PRTFDC1: variants seen among roughly 807,000 people sequenced by gnomAD.
PRTFDC1 encodes phosphoribosyl transferase domain containing 1.
PRTFDC1 carries 38 observed loss-of-function variants against 34.6 expected under a neutral mutation model. That is an observed-to-expected ratio of 1.10 (90% confidence interval 0.85 to 1.44). PRTFDC1 has a LOEUF of 1.44. Ranked by LOEUF, PRTFDC1 falls within the 40% of genes most tolerant of loss-of-function variation. The pLI is 0.00. For synonymous variants in PRTFDC1, 93 were observed against 98.1 expected (o/e 0.95, Z 0.31); for missense variants, 270 against 283.0 (o/e 0.95, Z 0.33).
intron 7 of PRTFDC1, among the ~76,000 whole-genome samples, chr10:24,853,366 C>G (rs1847522165): frequency 6.6e-6 from 1 of 151,852 alleles, no homozygotes; most frequent in South Asian, 2.1e-4. Context: ...AATCCCAGCA[C>G]TTTGAGAGGC....
chr10:24,948,437 C>G (rs967777034), intron 1 of PRTFDC1, among the ~76,000 whole-genome samples: 1 of 152,182 alleles, frequency 6.6e-6, no homozygotes, highest in East Asian at 1.9e-4. Context: ...CAAGCCAACT[C>G]TGAGCAAAAT....
chr10:24,940,044 A>C (rs1849129050), intron 2 of PRTFDC1, among the ~76,000 whole-genome samples: 2 of 152,108 alleles, frequency 1.3e-5, no homozygotes, highest in Admixed American at 1.3e-4. Flanking sequence ...TATGCTCCTA[A>C]AAACAAAGTG....
chr10:24,942,456 G>C lies in PRTFDC1; in HGVS notation c.49-20C>G. ...CATAATCTGCAAATCAAATTATTTT[G>C]GTTATGGTATTTTTTCATCAGAAAT... On this transcript the variant is annotated intron_variant, in intron 1 of 8. Coordinates refer to ENST00000320152, the MANE Select transcript of PRTFDC1 (RefSeq NM_020200.7). 1 of 1,581,558 alleles carries C rather than the reference G, an allele frequency of 6.3e-7. No individual in the cohort carries two copies. Among genetic ancestry groups the C allele is most frequent in the East Asian group, 2.2e-5 (1 of 44,718 alleles).
At chr10:24,914,773 C>G (rs1588611779) in intron 3 of PRTFDC1, among the ~76,000 whole-genome samples, 1 of 152,174 alleles carries the variant, frequency 6.6e-6, no homozygotes, top group African/African-American at 2.4e-5. Context: ...CCTTCTCTGA[C>G]TAGGTTCATG....
At chr10:24,872,921 T>A (rs552730598) in intron 3 of PRTFDC1, among the ~76,000 whole-genome samples, 3 of 150,516 alleles carry the variant, frequency 2.0e-5, no homozygotes, top group Non-Finnish European at 4.4e-5. Context: ...AATCCTTCTG[T>A]CTCGGCTTCC....
At chr10:24,929,739 T>C (rs1366661943) in intron 3 of PRTFDC1, among the ~76,000 whole-genome samples, 1 of 152,078 alleles carries the variant, frequency 6.6e-6, no homozygotes, top group African/African-American at 2.4e-5. Flanking sequence ...TGAGAGAGAA[T>C]AAAGGGAAAA....
intron 3 of PRTFDC1, among the ~76,000 whole-genome samples, chr10:24,905,131 C>A (rs1403422356): frequency 2.0e-5 from 3 of 151,466 alleles, no homozygotes; most frequent in Admixed American, 6.6e-5. Flanking sequence ...ACATGAAGAC[C>A]CTTTGTGTCT....
At chr10:24,887,656 T>C (rs1310248880) in intron 3 of PRTFDC1, among the ~76,000 whole-genome samples, 1 of 152,084 alleles carries the variant, frequency 6.6e-6, no homozygotes, top group East Asian at 1.9e-4. Context: ...AACGGACTAA[T>C]ATACCCTCTA....
chr10:24,951,653 A>G (rs890942217), intron 1 of PRTFDC1: 15 of 970,642 alleles, frequency 1.5e-5, no homozygotes, highest in Non-Finnish European at 1.8e-5. Flanking sequence ...CCTCACCACC[A>G]TTGAGTTTCA....
chr10:24,878,037 T>A (rs1394305017), intron 3 of PRTFDC1, among the ~76,000 whole-genome samples: 1 of 151,912 alleles, frequency 6.6e-6, no homozygotes, highest in Non-Finnish European at 1.5e-5. Flanking sequence ...TCCCAGCACT[T>A]TGGGAGGCCG....
At chr10:24,905,028 C>A (rs1325449800) in intron 3 of PRTFDC1, among the ~76,000 whole-genome samples, 2 of 152,060 alleles carry the variant, frequency 1.3e-5, no homozygotes, top group Non-Finnish European at 2.9e-5. Context: ...CTATGCTAGC[C>A]AGGTGTGGTG....
chr10:24,879,941 G>A (rs1345065922), intron 3 of PRTFDC1, among the ~76,000 whole-genome samples: 1 of 152,134 alleles, frequency 6.6e-6, no homozygotes, highest in African/African-American at 2.4e-5. Context: ...GTGGGGAGAA[G>A]GGAGAATGTG....
At chr10:24,882,214 A>AAAAAG (rs1185465717) in intron 3 of PRTFDC1, among the ~76,000 whole-genome samples, 1 of 150,416 alleles carries the variant, frequency 6.6e-6, no homozygotes, top group African/African-American at 2.4e-5. Flanking sequence ...CAAAAAAAAA[A>AAAAAG]AAAAAGAAAA....
At chr10:24,933,280 T>C (rs947187128) in intron 3 of PRTFDC1, among the ~76,000 whole-genome samples, 6 of 152,036 alleles carry the variant, frequency 3.9e-5, no homozygotes, top group Non-Finnish European at 7.4e-5. Context: ...AAAAATTTTT[T>C]AATAATGCTC....
intron 4 of PRTFDC1, among the ~76,000 whole-genome samples, chr10:24,869,591 G>T (rs1847842215): frequency 6.6e-6 from 1 of 152,196 alleles, no homozygotes; most frequent in South Asian, 2.1e-4. Context: ...ACTTCTGGTG[G>T]TTATTTGGTG....
At chr10:24,881,248 T>C (rs1461817307) in intron 3 of PRTFDC1, among the ~76,000 whole-genome samples, 2 of 128,386 alleles carry the variant, frequency 1.6e-5, no homozygotes. Flanking sequence ...TTTATTTTTA[T>C]TTTTAGAGAT....
At chr10:24,854,471 T>C (rs1037448873) in intron 7 of PRTFDC1, among the ~76,000 whole-genome samples, 1 of 152,204 alleles carries the variant, frequency 6.6e-6, no homozygotes, top group East Asian at 1.9e-4. Context: ...CTTTCGCTAA[T>C]GTTTGTTCAG....
At chr10:24,929,757 C>G (rs1848942317) in intron 3 of PRTFDC1, among the ~76,000 whole-genome samples, 1 of 152,150 alleles carries the variant, frequency 6.6e-6, no homozygotes, top group Admixed American at 6.5e-5. Flanking sequence ...AAAAACTTGG[C>G]AAATAATGCA....
chr10:24,872,342 C>T (rs550003523), intron 3 of PRTFDC1, among the ~76,000 whole-genome samples: 1 of 152,192 alleles, frequency 6.6e-6, no homozygotes, highest in East Asian at 1.9e-4. Flanking sequence ...ACAAAACACT[C>T]TGGAAGGTGT....
Sources: allele counts gnomAD v4.1 joint callset (sites outside exome capture counted in the v4.1 genomes callset), GRCh38; gene constraint gnomAD v4.1.1; transcripts MANE v1.5; gene names NCBI Gene and HGNC (gene_info 2026-07-23, HGNC 2026-07-21).